MSN: variants seen among roughly 807,000 people sequenced by gnomAD.
MSN encodes the protein moesin, also known as epididymis luminal protein 70.
Under a neutral mutation model 48.0 loss-of-function variants are expected in MSN, and 2 were observed. The observed-to-expected ratio is 0.04, with a 90% CI of 0.02 to 0.13. MSN has a LOEUF of 0.13. MSN is among the 10% of genes least tolerant of loss of function. The pLI, the probability that MSN is intolerant of heterozygous loss-of-function variation, is 1.00. For missense variants in MSN, 267 were observed against 470.1 expected (o/e 0.57, Z 3.99); for synonymous variants, 146 against 166.9 (o/e 0.87, Z 0.97).
chrX:65,610,616 T>C (rs2070312506), intron 1 of MSN, among the ~76,000 whole-genome samples: 1 of 111,966 alleles, frequency 8.9e-6, no homozygotes, highest in African/African-American at 3.3e-5. Context: ...TTTGGGTGTA[T>C]ACCAAGGAGT....
At chrX:65,650,765 A>G (rs2070736632) in intron 1 of MSN, among the ~76,000 whole-genome samples, 2 of 112,307 alleles carry the variant, frequency 1.8e-5, no homozygotes, top group African/African-American at 3.2e-5. Flanking sequence ...TAATTTTCTT[A>G]CAGTTCTGGA....
At position 65,676,999 on chromosome X, in the gene MSN, A is replaced by AT. The variant is rs752785830; in HGVS notation, c.12+9154dup. 3.2e-3 allele frequency among the ~76,000 whole-genome samples: 352 copies of AT among 109,313 alleles called. 4 individuals are homozygous for AT. Among genetic ancestry groups the AT allele is most frequent in the African/African-American group, 0.011 (332 of 30,016 alleles). The allele number at this position is 109,313 out of a possible 115,157, so 94.9% of individuals were successfully genotyped here. The stretch of plus-strand genomic sequence containing the variant: ...GCCGCCACGCCCGGCTAATTTTTAT[A>AT]TTTTTTTTAGTAGAGATGAGGTTTC... On this transcript the variant is annotated intron_variant, in intron 1 of 12. Coordinates refer to ENST00000360270, the MANE Select transcript of MSN (RefSeq NM_002444.3).
At chrX:65,669,606 G>A (rs886083508) in intron 1 of MSN, among the ~76,000 whole-genome samples, 1 of 111,013 alleles carries the variant, frequency 9.0e-6, no homozygotes, top group East Asian at 2.8e-4. Context: ...AGTAATGAGG[G>A]TACCTAAATA....
chrX:65,602,402 T>A (rs1169430353), intron 1 of MSN, among the ~76,000 whole-genome samples: 2 of 112,015 alleles, frequency 1.8e-5, no homozygotes, highest in South Asian at 3.7e-4. Flanking sequence ...AGTCTTTTAA[T>A]GGGCCTCCCT....
rs142089377 is a variant in MSN, at chrX:65,721,772, C to T, written c.96+4871C>T. On this transcript the variant is annotated intron_variant, in intron 2 of 12. Transcript: ENST00000360270. Reference sequence around the variant, plus strand: ...TCCTCTGGAACCTTCTTCCACTTTACCTGCTTCCAAAACTTAGAACCCTAG... The same window carrying T: ...TCCTCTGGAACCTTCTTCCACTTTATCTGCTTCCAAAACTTAGAACCCTAG... Among the ~76,000 whole-genome samples the T allele has an allele frequency of 9.7e-3, 1,085 of 111,726 alleles. 8 individuals are homozygous for T. The highest frequency in any genetic ancestry group is 0.028 in the Middle Eastern group (6 of 218).
chrX:65,593,719 T>G (rs1455305168), intron 1 of MSN, among the ~76,000 whole-genome samples: 2 of 111,545 alleles, frequency 1.8e-5, no homozygotes, highest in East Asian at 5.6e-4. Flanking sequence ...ATTTTTGTAT[T>G]TTTAGTAGAG....
At chrX:65,680,064 G>T (rs1021640004) in intron 1 of MSN, among the ~76,000 whole-genome samples, 2 of 112,144 alleles carry the variant, frequency 1.8e-5, no homozygotes, top group Admixed American at 1.9e-4. Flanking sequence ...AGCGATGCCA[G>T]TTGTAGGTGG....
rs1372706895 is a variant in MSN at position 65,641,402 on chromosome X, C to T, written c.-22+52790C>T. Among the ~76,000 whole-genome samples the T allele has an allele frequency of 1.1e-4, 11 of 100,497 alleles. No individual in the cohort carries two copies. In the East Asian group the frequency reaches 1.3e-3, roughly 12 times the overall value. 87.3% of individuals were successfully genotyped at this position (100,497 alleles called of 115,157 possible). A position where few individuals can be genotyped will look rare whatever the true frequency, so the allele number is the denominator to read the frequency against. ...AAAATTAGCTGGGCATGGAGGTGTG[C>T]GCCTGTAATCCCAGCTACTCGGGAG... On this transcript the variant is annotated intron_variant, in intron 1 of 3. Transcript: ENST00000609672.
intron 1 of MSN, among the ~76,000 whole-genome samples, chrX:65,680,740 ATTTGT>A (rs1443788809): frequency 2.7e-5 from 3 of 110,094 alleles, no homozygotes; most frequent in East Asian, 2.8e-4. Flanking sequence ...TTCAGGTTGA[ATTTGT>A]TTTGTTTTGT....
At chrX:65,620,868 CTT>C (rs964757298) in intron 1 of MSN, among the ~76,000 whole-genome samples, 6 of 97,122 alleles carry the variant, frequency 6.2e-5, no homozygotes, top group African/African-American at 1.5e-4. Context: ...AAGATTTTCA[CTT>C]TTTTTTTTTT....
chrX:65,593,396 A>C (rs1367866229), intron 1 of MSN: 4 of 112,079 alleles, frequency 3.6e-5, no homozygotes, highest in Non-Finnish European at 7.5e-5. Flanking sequence ...TCTGTTTAAA[A>C]AACTTTTAAA....
chrX:65,664,980 C>A (rs1374969924), upstream of MSN, among the ~76,000 whole-genome samples: 1 of 110,185 alleles, frequency 9.1e-6, no homozygotes, highest in African/African-American at 3.3e-5. Context: ...GAACTCCTGA[C>A]CTCGAGTGAT....
intron 1 of MSN, among the ~76,000 whole-genome samples, chrX:65,612,893 T>TA (rs1458667486): frequency 9.2e-6 from 1 of 108,812 alleles, no homozygotes; most frequent in Non-Finnish European, 1.9e-5. Context: ...AACTTTTTTT[T>TA]ATATATACTT....
rs1005643668 is a variant in MSN, at chrX:65,741,649, C to T, written c.*1756C>T. ...TCAATTCCCCCTGGCCACCACCCCCCACTCTGTGCCTGACCTTGAGGAGTC... is the reference window on the plus strand; with the variant it reads ...TCAATTCCCCCTGGCCACCACCCCCTACTCTGTGCCTGACCTTGAGGAGTC... On this transcript the variant is annotated 3_prime_UTR_variant, in exon 13 of 13. Transcript: ENST00000360270. 1.2e-5 allele frequency: 2 copies of T among 169,275 alleles called. No homozygotes were observed. Among genetic ancestry groups the T allele is most frequent in the Non-Finnish European group, 2.3e-5 (2 of 88,595 alleles). 14.0% of individuals were successfully genotyped at this position (169,275 alleles called of 1,213,427 possible). A position where few individuals can be genotyped will look rare whatever the true frequency, so the allele number is the denominator to read the frequency against.
At chrX:65,718,528 A>G (rs1435932055) in intron 2 of MSN, among the ~76,000 whole-genome samples, 1 of 112,047 alleles carries the variant, frequency 8.9e-6, no homozygotes, top group Non-Finnish European at 1.9e-5. Context: ...TTCTTGTATT[A>G]TTAATTGAGC....
chrX:65,670,156 T>C (rs1602773419), intron 1 of MSN, among the ~76,000 whole-genome samples: 1 of 112,059 alleles, frequency 8.9e-6, no homozygotes, highest in East Asian at 2.8e-4. Context: ...GTTACTTTTC[T>C]TATTCCTCAT....
At chrX:65,674,254 C>T (rs896846240) in intron 1 of MSN, among the ~76,000 whole-genome samples, 8 of 111,269 alleles carry the variant, frequency 7.2e-5, no homozygotes, top group African/African-American at 2.3e-4. Flanking sequence ...ATTTCTTCAT[C>T]GTATTCATAG....
chrX:65,617,240 T>A (rs1438679478), intron 1 of MSN, among the ~76,000 whole-genome samples: 2 of 109,675 alleles, frequency 1.8e-5, no homozygotes, highest in African/African-American at 7.0e-5. Flanking sequence ...TTAGGGAGGA[T>A]TCCCTCTTTT....
chrX:65,725,134 C>A (rs967303176), intron 2 of MSN, among the ~76,000 whole-genome samples: 11 of 112,402 alleles, frequency 9.8e-5, no homozygotes, highest in Non-Finnish European at 9.4e-5. Context: ...TGTGCTGTTT[C>A]ATAATGTGAC....
Sources: gnomAD v4.1 joint callset for allele counts (sites outside exome capture counted in the v4.1 genomes callset) on GRCh38, gnomAD v4.1.1 for gene constraint, MANE v1.5 for transcripts, NCBI Gene and HGNC (gene_info 2026-07-23, HGNC 2026-07-21) for gene names.